Variants in TBC1D4 observed in about 807,000 individuals in gnomAD.
The protein encoded by TBC1D4 is TBC (Tre-2, BUB2, CDC16) domain-containing protein.
A neutral mutation model predicts 142.5 loss-of-function variants in TBC1D4; 121 were observed. The ratio of observed to expected loss-of-function variants is 0.85; its 90% CI spans 0.73 to 0.99. The LOEUF (loss-of-function observed/expected upper bound fraction) is 0.99, where lower values mean the gene tolerates loss of function less well. TBC1D4 is among the 50% of genes least tolerant of loss of function. The probability of loss-of-function intolerance (pLI) is 0.00; values close to 1 mark genes in which losing one functional copy is unlikely to be tolerated. For synonymous variants in TBC1D4, 630 were observed against 628.2 expected, an observed-to-expected ratio of 1.00 and a Z score of -0.04; for missense variants, 1,475 against 1,606.6, an observed-to-expected ratio of 0.92 and a Z score of 1.40.
chr13:75,322,510 G>C (rs759897724), intron 11 of TBC1D4, among the ~76,000 whole-genome samples: 2 of 152,178 alleles, frequency 1.3e-5, no homozygotes, highest in Admixed American at 6.5e-5. Flanking sequence ...AGGAACTCCT[G>C]AAAGCAAATG....
intron 1 of TBC1D4, among the ~76,000 whole-genome samples, chr13:75,387,498 T>C (rs905437242): frequency 2.6e-4 from 39 of 152,236 alleles, no homozygotes; most frequent in African/African-American, 8.9e-4. Context: ...TTGTAACTCA[T>C]ACACTGATCT....
chr13:75,316,241 G>A (rs1310049619), intron 12 of TBC1D4, among the ~76,000 whole-genome samples: 1 of 152,062 alleles, frequency 6.6e-6, no homozygotes, highest in African/African-American at 2.4e-5. Flanking sequence ...TTTCATGATT[G>A]CCTATAAAAT....
intron 1 of TBC1D4, among the ~76,000 whole-genome samples, chr13:75,441,325 T>C (rs1887030249): frequency 6.6e-6 from 1 of 152,036 alleles, no homozygotes; most frequent in African/African-American, 2.4e-5. Context: ...TAGAATTCTA[T>C]TAAAAAAACA....
intron 1 of TBC1D4, among the ~76,000 whole-genome samples, chr13:75,404,580 G>A (rs1885243276): frequency 6.6e-6 from 1 of 152,056 alleles, no homozygotes. Context: ...CTGAGTGATG[G>A]GTTTTAGGGA....
At chr13:75,292,032 A>T in intron 19 of TBC1D4, 70 bp downstream of exon 19, 1 of 1,307,162 alleles carries the variant, frequency 7.7e-7, no homozygotes, top group Non-Finnish European at 1.1e-6. Context: ...CTACATTTTT[A>T]GGCTAAAGCA....
chr13:75,440,746 T>G (rs1301590736), intron 1 of TBC1D4, among the ~76,000 whole-genome samples: 1 of 150,702 alleles, frequency 6.6e-6, no homozygotes, highest in Non-Finnish European at 1.5e-5. Flanking sequence ...TTTCTTTTTT[T>G]TTTTTTGTAG....
chr13:75,477,338 A>G (rs755964147), intron 1 of TBC1D4, among the ~76,000 whole-genome samples: 9 of 152,240 alleles, frequency 5.9e-5, no homozygotes, highest in Non-Finnish European at 1.2e-4. Flanking sequence ...ACACGTTTTT[A>G]AGAGAACTGA....
At chr13:75,331,435 G>A (rs1439642235) in intron 8 of TBC1D4, among the ~76,000 whole-genome samples, 1 of 152,118 alleles carries the variant, frequency 6.6e-6, no homozygotes, top group African/African-American at 2.4e-5. Flanking sequence ...AGGAGTTCGA[G>A]GCTGCAGTGA....
chr13:75,321,441 G>GTATA (rs57754032), intron 11 of TBC1D4, among the ~76,000 whole-genome samples: 56,267 of 151,242 alleles, frequency 0.37, 11,846 homozygotes, highest in East Asian at 0.62. Context: ...GCATATATAT[G>GTATA]TATATATATA....
chr13:75,360,556 A>C (rs1882421892), intron 2 of TBC1D4, among the ~76,000 whole-genome samples: 1 of 151,222 alleles, frequency 6.6e-6, no homozygotes, highest in African/African-American at 2.4e-5. Context: ...TTTTTTAATC[A>C]GGGGTGTGTT....
At chr13:75,306,519 A>C in intron 14 of TBC1D4, 48 bp from the exon 15 acceptor site, 1 of 1,603,244 alleles carries the variant, frequency 6.2e-7, no homozygotes, top group Non-Finnish European at 8.5e-7. Flanking sequence ...TTTCAAATGT[A>C]AAACTTTAGA....
At chr13:75,363,743 C>T (rs1228785085) in intron 1 of TBC1D4, among the ~76,000 whole-genome samples, 1 of 152,234 alleles carries the variant, frequency 6.6e-6, no homozygotes, top group Admixed American at 6.5e-5. Flanking sequence ...GCAAAATACA[C>T]TTTCTAAATT....
rs1874666765 is a variant in TBC1D4, at chr13:75,286,369, C to G, written c.*423G>C. On this transcript the variant is annotated 3_prime_UTR_variant, in exon 21 of 21. Coordinates refer to ENST00000377636, the MANE Select transcript of TBC1D4 (RefSeq NM_014832.5). ...GAGAAAAAAATACATTCATTTTTTT[C>G]AAGTATATTGCAATATACAAAGATG... The G allele has an allele frequency of 6.2e-6, 1 of 161,334 alleles. No individual in the cohort carries two copies. 10.0% of individuals were successfully genotyped at this position (161,334 alleles called of 1,614,324 possible).
intron 1 of TBC1D4, among the ~76,000 whole-genome samples, chr13:75,404,211 C>T (rs1334166520): frequency 6.6e-6 from 1 of 152,130 alleles, no homozygotes; most frequent in East Asian, 1.9e-4. Context: ...AAACTGCATA[C>T]ATAGTATTAT....
At chr13:75,356,746 G>A (rs1481509418) in intron 3 of TBC1D4, among the ~76,000 whole-genome samples, 1 of 152,108 alleles carries the variant, frequency 6.6e-6, no homozygotes, top group Non-Finnish European at 1.5e-5. Context: ...CACTCAAGCA[G>A]CCACACTTAA....
At chr13:75,331,649 T>C (rs569700559) in intron 8 of TBC1D4, among the ~76,000 whole-genome samples, 6 of 152,278 alleles carry the variant, frequency 3.9e-5, no homozygotes, top group African/African-American at 1.4e-4. Flanking sequence ...ATTTGCTAAT[T>C]CATGTGTCAG....
At chr13:75,441,262 CAAG>C (rs1332004773) in intron 1 of TBC1D4, among the ~76,000 whole-genome samples, 3 of 151,918 alleles carry the variant, frequency 2.0e-5, no homozygotes, top group Non-Finnish European at 2.9e-5. Context: ...TCTCAAAAAA[CAAG>C]GAGGAGGGGG....
intron 7 of TBC1D4, among the ~76,000 whole-genome samples, chr13:75,337,852 T>G (rs1880355928): frequency 6.6e-6 from 1 of 152,002 alleles, no homozygotes; most frequent in African/African-American, 2.4e-5. Flanking sequence ...AAAGGGTGGA[T>G]TGCTTAAGGG....
chr13:75,405,491 C>T (rs564947171), intron 1 of TBC1D4, among the ~76,000 whole-genome samples: 14 of 152,124 alleles, frequency 9.2e-5, no homozygotes, highest in African/African-American at 3.4e-4. Context: ...AGGCTGGTCT[C>T]GAACTCCTGA....
Sources: gnomAD v4.1 joint callset for allele counts (sites outside exome capture counted in the v4.1 genomes callset) on GRCh38, gnomAD v4.1.1 for gene constraint, MANE v1.5 for transcripts, NCBI Gene and HGNC (gene_info 2026-07-23, HGNC 2026-07-21) for gene names.